FANCD2: variants seen among roughly 807,000 people sequenced by gnomAD.
The protein encoded by FANCD2 is FA complementation group D2.
FANCD2 carries 131 observed loss-of-function variants against 192.3 expected under a neutral mutation model. The ratio of observed to expected loss-of-function variants is 0.68; its 90% confidence interval spans 0.59 to 0.79. The LOEUF (loss-of-function observed/expected upper bound fraction) is 0.79. FANCD2 is among the 30% of genes least tolerant of loss of function. The pLI, the probability that FANCD2 is intolerant of heterozygous loss-of-function variation, is 0.00. For synonymous variants in FANCD2, 524 were observed against 612.5 expected, an observed-to-expected ratio of 0.86 and a Z score of 2.13; for missense variants, 1,508 against 1,701.6, an observed-to-expected ratio of 0.89 and a Z score of 2.00.
At chr3:10,100,124 G>A (rs983789953) in intron 43 of FANCD2, among the ~76,000 whole-genome samples, 1 of 152,278 alleles carries the variant, frequency 6.6e-6, no homozygotes, top group African/African-American at 2.4e-5. Flanking sequence ...GGAGGTGGAG[G>A]CTGCAGTGAG....
At chr3:10,041,491 A>C in intron 9 of FANCD2, 132 bp from the exon 10 acceptor site, 1 of 690,000 alleles carries the variant, frequency 1.4e-6, no homozygotes, top group Non-Finnish European at 2.6e-6. Context: ...GAAACATACT[A>C]TAAACGGTAA....
At chr3:10,038,967 T>C (rs189147450) in intron 7 of FANCD2, among the ~76,000 whole-genome samples, 1 of 152,214 alleles carries the variant, frequency 6.6e-6, no homozygotes, top group African/African-American at 2.4e-5. Context: ...TTTTTAAGAT[T>C]TATTAACATT....
chr3:10,088,912 T>A lies in FANCD2; in HGVS notation c.3645T>A (p.Pro1215=), dbSNP rs1168183069. Residue 1215 remains proline, a synonymous_variant, in exon 36 of 44, where the codon CCT becomes CCA. Coordinates refer to ENST00000675286, the MANE Select transcript of FANCD2 (RefSeq NM_001018115.3). Reference sequence around the variant, plus strand: ...GTGTCCCAGAACTGATCAACTCTCCTAAAGATGCATCTTCCTCCACATTCC... The same window carrying A: ...GTGTCCCAGAACTGATCAACTCTCCAAAAGATGCATCTTCCTCCACATTCC... ...GVGVPELINS[P]KDASSSTFPT... is the part of the protein sequence containing the mutation. The A allele has an allele frequency of 1.6e-5, 26 of 1,613,988 alleles. No homozygotes were observed. The highest frequency in any genetic ancestry group is 1.7e-6 in the Non-Finnish European group (2 of 1,179,966).
intron 10 of FANCD2, 131 bp downstream of exon 10, chr3:10,041,841 T>C: frequency 1.6e-6 from 1 of 630,002 alleles, no homozygotes; most frequent in Non-Finnish European, 2.8e-6. Context: ...TTGATATCTC[T>C]CTTTTTTTTT....
intron 29 of FANCD2, among the ~76,000 whole-genome samples, chr3:10,075,342 C>T (rs913979531): frequency 3.3e-5 from 5 of 152,230 alleles, no homozygotes; most frequent in Admixed American, 1.3e-4. Context: ...CGCCATCACA[C>T]CCGGCTAATT....
intron 32 of FANCD2, 181 bp downstream of exon 32, chr3:10,081,645 C>A: frequency 4.6e-6 from 3 of 653,958 alleles, no homozygotes; most frequent in South Asian, 1.7e-5. Flanking sequence ...CCCTCTGAGT[C>A]CTTTGGAGCC....
chr3:10,051,362 C>G (rs2087201240), intron 17 of FANCD2, among the ~76,000 whole-genome samples: 1 of 116,062 alleles, frequency 8.6e-6, no homozygotes, highest in Non-Finnish European at 1.6e-5. Context: ...GCCTGGGCGA[C>G]AGAGCGAGAC....
intron 18 of FANCD2, chr3:10,058,016 CT>C: frequency 2.2e-6 from 1 of 453,486 alleles, no homozygotes; most frequent in Non-Finnish European, 4.2e-6. Context: ...CAAGTTTGCC[CT>C]TTCTGCCTTC....
chr3:10,090,400 A>G lies in FANCD2; in HGVS notation c.3777+15A>G. 6.6e-7 allele frequency: 1 copy of G among 1,505,030 alleles called. No individual in the cohort carries two copies. The highest frequency in any genetic ancestry group is 1.1e-5 in the South Asian group (1 of 88,914). 93.2% of individuals were successfully genotyped at this position (1,505,030 alleles called of 1,614,324 possible). ...ACTCGCAGCAGGTGAGTAAGATAAT[A>G]GTCACTTCAAGAAGTGGACTTTGGA... On this transcript the variant is annotated intron_variant, in intron 37 of 43. Coordinates refer to ENST00000675286, the MANE Select transcript of FANCD2 (RefSeq NM_001018115.3).
intron 36 of FANCD2, among the ~76,000 whole-genome samples, chr3:10,089,234 G>A (rs1050926279): frequency 4.0e-5 from 6 of 151,772 alleles, no homozygotes; most frequent in Non-Finnish European, 7.4e-5. Flanking sequence ...GCAGTGAGCC[G>A]GGATCGCGCC....
At chr3:10,045,965 G>A (rs1192619949) in intron 14 of FANCD2, among the ~76,000 whole-genome samples, 2 of 151,788 alleles carry the variant, frequency 1.3e-5, no homozygotes, top group African/African-American at 4.8e-5. Context: ...GCTGGAGTTG[G>A]CAAGTGATTG....
In FANCD2 at chr3:10,032,835, C is replaced by G. The variant is rs1248049422; in HGVS notation, c.68C>G (p.Thr23Ser). The G allele has an allele frequency of 1.2e-6, 2 of 1,612,302 alleles. No homozygotes were observed. The highest frequency in any genetic ancestry group is 3.3e-5 in the Admixed American group (2 of 59,876). The change falls in exon 3 of 44, where the codon ACC becomes AGC. Residue 23 changes from threonine (T) to serine (S), a missense_variant. Thr to Ser is a moderately conservative substitution (Grantham distance 58, BLOSUM62 1). Transcript: ENST00000675286. Reference protein sequence around the residue: ...KESLTEDASKTRKQPLSKKTK... With the variant: ...KESLTEDASKSRKQPLSKKTK... ...TTGAAAATTTTTCTATTTTCAGAAA[C>G]CAGGAAGCAACCACTTTCCAAAAAG...
At chr3:10,080,040 G>A (rs944401102) in intron 30 of FANCD2, among the ~76,000 whole-genome samples, 2 of 151,222 alleles carry the variant, frequency 1.3e-5, no homozygotes, top group Admixed American at 6.6e-5. Flanking sequence ...TCAGCCTCCC[G>A]AGGAGCTGGG....
Position 10,072,887 on chromosome 3 carries a change from C to T in FANCD2, c.2511C>T (p.Val837=). 6.2e-7 allele frequency: 1 copy of T among 1,601,640 alleles called. No individual in the cohort carries two copies. The highest frequency in any genetic ancestry group is 2.2e-5 in the East Asian group (1 of 44,788). ...EKYLAVTPDY[V]PPLGNFDVET... is the part of the protein sequence containing the mutation. Reference sequence around the variant, plus strand: ...TTGTTTCAGTCACCCCAGACTATGTCCCTCCTCTTGGAAACTTTGATGTGG... The same window carrying T: ...TTGTTTCAGTCACCCCAGACTATGTTCCTCCTCTTGGAAACTTTGATGTGG... Residue 837 remains valine (V), a synonymous_variant, in exon 27 of 44, where the codon GTC becomes GTT. Transcript: ENST00000675286.
intron 2 of FANCD2, chr3:10,032,485 G>C: frequency 4.0e-6 from 1 of 249,208 alleles, no homozygotes; most frequent in Non-Finnish European, 7.4e-6. Flanking sequence ...TGAAGGGGGG[G>C]AGATGGGGGG....
chr3:10,083,792 G>A (rs1245669781), intron 32 of FANCD2: 1 of 150,484 alleles, frequency 6.6e-6, no homozygotes, highest in East Asian at 2.0e-4. Flanking sequence ...AGAGGCTGAG[G>A]CAGGAGAATG....
chr3:10,059,462 C>T (rs2087501402), intron 18 of FANCD2, among the ~76,000 whole-genome samples: 1 of 152,094 alleles, frequency 6.6e-6, no homozygotes, highest in Non-Finnish European at 1.5e-5. Flanking sequence ...ATGTGCTAGG[C>T]ACTGTTCTAG....
In FANCD2 at chr3:10,032,921, C is replaced by T; in HGVS notation, c.154C>T (p.Leu52Phe). 1.3e-6 allele frequency: 2 copies of T among 1,596,688 alleles called. No homozygotes were observed. Among genetic ancestry groups the T allele is most frequent in the Non-Finnish European group, 1.7e-6 (2 of 1,164,396 alleles). The part of the protein sequence containing the change: ...EENDSIFVKL[L>F]KISGIILKTG... Reference sequence around the variant, plus strand: ...AAATGACAGCATCTTTGTAAAGCTTCTTAAGATATCAGGAATTATTCTTAA... The same window carrying T: ...AAATGACAGCATCTTTGTAAAGCTTTTTAAGATATCAGGAATTATTCTTAA... The change falls in exon 3 of 44, where the codon CTT (leucine) becomes TTT (phenylalanine). Residue 52 changes from leucine (L) to phenylalanine (F), a missense_variant. Physicochemically the swap from Leu to Phe is conservative, Grantham distance 22 (BLOSUM62 0). Around this residue, in one of 5 missense-constraint regions of FANCD2, gnomAD observed 435 missense variants for 421.9 expected, o/e 1.03. Coordinates refer to ENST00000675286, the MANE Select transcript of FANCD2 (RefSeq NM_001018115.3).
intron 3 of FANCD2, among the ~76,000 whole-genome samples, chr3:10,033,698 CTTTTT>C (rs34115008): frequency 7.8e-5 from 7 of 89,372 alleles, no homozygotes; most frequent in Admixed American, 3.2e-4. Context: ...AAAGCTAAGT[CTTTTT>C]TTTTTTTTTT....
Sources: gnomAD v4.1 joint callset for allele counts (sites outside exome capture counted in the v4.1 genomes callset) on GRCh38, gnomAD v4.1.1 for gene constraint, gnomAD v4.1.1 regional missense constraint, MANE v1.5 for transcripts, NCBI Gene and HGNC (gene_info 2026-07-23, HGNC 2026-07-21) for gene names.